The following SLC25A48 variants were observed in gnomAD, a reference collection of about 807,000 sequenced individuals.
The protein encoded by SLC25A48 is CTC-321K16.1.
SLC25A48 carries 29 observed loss-of-function variants against 32.2 expected under a neutral mutation model. That is an observed-to-expected ratio of 0.90 (90% confidence interval 0.67 to 1.23). The LOEUF (loss-of-function observed/expected upper bound fraction) is 1.23. Among genes scored for constraint, SLC25A48 ranks in the 50% most tolerant of loss-of-function variants. The probability of loss-of-function intolerance (pLI) is 0.00; values close to 1 mark genes in which losing one functional copy is unlikely to be tolerated. For missense variants in SLC25A48, 399 were observed against 422.7 expected (o/e 0.94, Z 0.49); for synonymous variants, 164 against 172.3 (o/e 0.95, Z 0.38).
intron 3 of SLC25A48, among the ~76,000 whole-genome samples, chr5:135,682,708 G>A (rs952761455): frequency 1.3e-5 from 2 of 152,152 alleles, no homozygotes; most frequent in Non-Finnish European, 2.9e-5. Context: ...TGAGAGATAA[G>A]AGGTACAACC....
At chr5:135,751,008 A>C (rs1755758820) in intron 3 of SLC25A48, among the ~76,000 whole-genome samples, 1 of 152,164 alleles carries the variant, frequency 6.6e-6, no homozygotes, top group African/African-American at 2.4e-5. Context: ...GGCCATCTTA[A>C]ACCAGCGGCC....
intron 3 of SLC25A48, among the ~76,000 whole-genome samples, chr5:135,740,969 A>G (rs1755489830): frequency 6.6e-6 from 1 of 152,264 alleles, no homozygotes; most frequent in African/African-American, 2.4e-5. Flanking sequence ...TCTAAGGCAG[A>G]TAAAATCATC....
intron 7 of SLC25A48, among the ~76,000 whole-genome samples, chr5:135,887,113 A>G (rs1350908702): frequency 7.9e-5 from 12 of 152,198 alleles, no homozygotes; most frequent in Admixed American, 7.9e-4. Context: ...AAAAATATTT[A>G]TCCATTTAGG....
chr5:135,834,941 G>C (rs776121237), intron 1 of SLC25A48, 48 bp downstream of exon 1: 9 of 1,575,642 alleles, frequency 5.7e-6, no homozygotes, highest in Non-Finnish European at 7.8e-6. Flanking sequence ...CGAGCCTGGC[G>C]GAGTTTGCCT....
chr5:135,677,532 T>C (rs1753800284), intron 3 of SLC25A48, among the ~76,000 whole-genome samples: 1 of 152,152 alleles, frequency 6.6e-6, no homozygotes, highest in South Asian at 2.1e-4. Context: ...CTCTTATTGA[T>C]TATCTTTGTG....
At chr5:135,835,535 C>T (rs1170958874) in intron 1 of SLC25A48, among the ~76,000 whole-genome samples, 2 of 152,130 alleles carry the variant, frequency 1.3e-5, no homozygotes, top group Non-Finnish European at 2.9e-5. Flanking sequence ...GCTCCCGAAG[C>T]CACTCTTTTA....
At chr5:135,840,105 A>AGT (rs369897036) in intron 1 of SLC25A48, among the ~76,000 whole-genome samples, 3 of 152,072 alleles carry the variant, frequency 2.0e-5, no homozygotes, top group African/African-American at 4.8e-5. Flanking sequence ...AGGTCTTTTG[A>AGT]GTGTGTGTGT....
rs561059072 is a variant in SLC25A48, at chr5:135,845,481, CT to C, written c.90+3025del. On this transcript the variant is annotated intron_variant, in intron 2 of 7. Transcript: ENST00000681962. Reference sequence around the variant, plus strand: ...CCCCTGTTGCACTCCAGCACACCTTCTTTCCTTCCTTCTGGCTGATGTTTTC... The same window carrying C: ...CCCCTGTTGCACTCCAGCACACCTTCTTCCTTCCTTCTGGCTGATGTTTTC... Among the ~76,000 whole-genome samples, 190 of 152,360 alleles carry C rather than the reference CT, an allele frequency of 1.2e-3. 2 individuals carry two copies. The highest frequency in any genetic ancestry group is 4.1e-4 in the Non-Finnish European group (28 of 68,038).
chr5:135,689,452 A>C (rs1754093276), intron 3 of SLC25A48, among the ~76,000 whole-genome samples: 1 of 152,240 alleles, frequency 6.6e-6, no homozygotes, highest in Admixed American at 6.5e-5. Flanking sequence ...ACCTGGTGAC[A>C]GCATACATAC....
chr5:135,804,660 G>A (rs1278787117), intron 3 of SLC25A48, among the ~76,000 whole-genome samples: 1 of 151,278 alleles, frequency 6.6e-6, no homozygotes, highest in Non-Finnish European at 1.5e-5. Flanking sequence ...AATATCATAG[G>A]GAGATATTCC....
chr5:135,771,452 T>G (rs1044862033), intron 3 of SLC25A48, among the ~76,000 whole-genome samples: 2 of 151,636 alleles, frequency 1.3e-5, no homozygotes, highest in Admixed American at 6.6e-5. Context: ...CAGGGTGATA[T>G]AATTTTCCAC....
intron 3 of SLC25A48, among the ~76,000 whole-genome samples, chr5:135,765,439 T>A (rs1756187779): frequency 6.6e-6 from 1 of 151,600 alleles, no homozygotes; most frequent in South Asian, 2.1e-4. Context: ...GGGGTGATAT[T>A]ACTCACCATA....
Position 135,852,838 on chromosome 5 carries a change from G to A in SLC25A48, c.421+17G>A, listed in dbSNP as rs769567166. On this transcript the variant is annotated intron_variant, in intron 4 of 7. Transcript: ENST00000681962. The stretch of plus-strand genomic sequence containing the variant: ...TTCGGGACGGTAAGAGGCCAGGGGA[G>A]CGGAGGCTGGTGTCTGGGACTTGTG... 16 of 1,592,546 alleles carry A rather than the reference G, an allele frequency of 1.0e-5. No individual in the cohort carries two copies. In the East Asian group the frequency reaches 1.1e-4, roughly 11 times the overall value.
chr5:135,614,746 G>A (rs1416358620), intron 1 of SLC25A48, among the ~76,000 whole-genome samples: 7 of 152,026 alleles, frequency 4.6e-5, no homozygotes, highest in Non-Finnish European at 7.4e-5. Flanking sequence ...ACTTGATCAC[G>A]GTTGATATGG....
intron 3 of SLC25A48, among the ~76,000 whole-genome samples, chr5:135,712,722 C>T (rs566296054): frequency 6.6e-6 from 1 of 152,364 alleles, no homozygotes; most frequent in Middle Eastern, 3.4e-3. Flanking sequence ...AGTACTCAAG[C>T]TTTGTGCTCA....
chr5:135,594,770 C>T (rs989856432), intron 1 of SLC25A48, among the ~76,000 whole-genome samples: 13 of 152,306 alleles, frequency 8.5e-5, no homozygotes, highest in South Asian at 2.1e-4. Context: ...GCTGCTCTCA[C>T]GGCATCACTG....
chr5:135,597,087 CAG>C (rs1468447955), intron 1 of SLC25A48, among the ~76,000 whole-genome samples: 1 of 152,198 alleles, frequency 6.6e-6, no homozygotes, highest in Non-Finnish European at 1.5e-5. Context: ...TAACCCCAGA[CAG>C]AGAGTCAGTG....
chr5:135,758,047 T>C (rs543014530), intron 3 of SLC25A48, among the ~76,000 whole-genome samples: 2 of 150,774 alleles, frequency 1.3e-5, no homozygotes, highest in South Asian at 4.2e-4. Context: ...TAGAATATCA[T>C]CTCTATGATA....
chr5:135,761,739 G>A (rs1237240288), intron 3 of SLC25A48, among the ~76,000 whole-genome samples: 6 of 152,218 alleles, frequency 3.9e-5, no homozygotes, highest in Non-Finnish European at 8.8e-5. Flanking sequence ...CCAGATGGCT[G>A]GCAGAATCCT....
Sources: allele counts gnomAD v4.1 joint callset (sites outside exome capture counted in the v4.1 genomes callset), GRCh38; gene constraint gnomAD v4.1.1; transcripts MANE v1.5; gene names NCBI Gene and HGNC (gene_info 2026-07-23, HGNC 2026-07-21).